ZNF143: variants seen among roughly 807,000 people sequenced by gnomAD.
The protein encoded by ZNF143 is SPH-binding factor.
In ZNF143, 49 loss-of-function variants were observed where a neutral mutation model predicts 74.1. The observed-to-expected ratio is 0.66, with a 90% CI of 0.53 to 0.84. The LOEUF (loss-of-function observed/expected upper bound fraction) is 0.84. Ranked by LOEUF, ZNF143 falls within the 40% of genes least tolerant of loss-of-function variation. The pLI is 0.00. For synonymous variants in ZNF143, 304 were observed against 282.8 expected (o/e 1.07, Z -0.75); for missense variants, 637 against 793.4 (o/e 0.80, Z 2.37).
intron 5 of ZNF143, among the ~76,000 whole-genome samples, chr11:9,476,746 C>CTTTTT (rs869069237): frequency 0.12 from 4,349 of 34,870 alleles, 1,510 homozygotes; most frequent in Non-Finnish European, 0.17. Context: ...AGGGAGGAAT[C>CTTTTT]TTTTTTTTTT....
chr11:9,523,133 TTTTGTTATC>T (rs1325260921), intron 14 of ZNF143, among the ~76,000 whole-genome samples: 2 of 152,218 alleles, frequency 1.3e-5, no homozygotes, highest in Non-Finnish European at 2.9e-5. Flanking sequence ...AGATTCTGAA[TTTTGTTATC>T]TTTCTCTGGA....
intron 5 of ZNF143, among the ~76,000 whole-genome samples, chr11:9,477,364 C>T (rs12792161): frequency 0.37 from 56,163 of 151,822 alleles, 11,039 homozygotes; most frequent in Middle Eastern, 0.46. Flanking sequence ...AAGCGATTCT[C>T]CTGCTTCAGC....
At chr11:9,480,475 G>A (rs1303985106) in intron 7 of ZNF143, among the ~76,000 whole-genome samples, 3 of 151,950 alleles carry the variant, frequency 2.0e-5, no homozygotes, top group South Asian at 4.2e-4. Context: ...ATAACCTTGA[G>A]CATTAACATG....
intron 7 of ZNF143, among the ~76,000 whole-genome samples, chr11:9,485,339 C>T (rs1413234384): frequency 2.8e-5 from 4 of 141,638 alleles, no homozygotes; most frequent in Admixed American, 7.0e-5. Context: ...TTGTTTTTTT[C>T]TCTCTCTCTT....
rs2290425 is a variant in ZNF143 at position 9,501,020 on chromosome 11, T to C, written c.968-71T>C. 663,006 of 1,563,434 alleles carry C rather than the reference T, an allele frequency of 0.42. 143,178 individuals are homozygous for C. The highest frequency in any genetic ancestry group is 0.53 in the Middle Eastern group (3,102 of 5,840). The stretch of plus-strand genomic sequence containing the variant: ...GTCTTGAGCATAATCCTAGGCAGGA[T>C]TGAAGGATAAGACATTTTAATCCTC... On this transcript the variant is annotated intron_variant, in intron 10 of 15. Transcript: ENST00000396602.
At chr11:9,483,068 A>G (rs563945260) in intron 7 of ZNF143, among the ~76,000 whole-genome samples, 1 of 151,060 alleles carries the variant, frequency 6.6e-6, no homozygotes, top group South Asian at 2.1e-4. Flanking sequence ...ATTTTGGCTG[A>G]CTGCAACCTC....
At chr11:9,461,814 A>C (rs977627915) in intron 1 of ZNF143, 6 of 152,106 alleles carry the variant, frequency 3.9e-5, no homozygotes, top group African/African-American at 1.4e-4. Context: ...TGCTTTGGAC[A>C]TTTGTTTTTT....
intron 13 of ZNF143, among the ~76,000 whole-genome samples, chr11:9,514,051 C>G (rs1335968171): frequency 6.6e-6 from 1 of 152,146 alleles, no homozygotes; most frequent in Non-Finnish European, 1.5e-5. Context: ...TACCACCACA[C>G]CTGGCTAATT....
intron 13 of ZNF143, among the ~76,000 whole-genome samples, chr11:9,513,478 A>G (rs991457306): frequency 6.6e-6 from 1 of 152,216 alleles, no homozygotes; most frequent in African/African-American, 2.4e-5. Context: ...ATCATCACAT[A>G]CAGAGGTCCT....
chr11:9,497,726 G>A lies in ZNF143; in HGVS notation c.893G>A (p.Arg298Gln), dbSNP rs367983201. 3.2e-5 allele frequency: 51 copies of A among 1,609,804 alleles called. No homozygotes were observed. Among genetic ancestry groups the A allele is most frequent in the Admixed American group, 1.7e-5 (1 of 59,862 alleles). The change falls in exon 10 of 16, where the codon CGG becomes CAG. Residue 298 changes from arginine to glutamine, a missense_variant. By Grantham distance (43) the Arg-to-Gln change is conservative. Around this residue, in one of 2 missense-constraint regions of ZNF143, gnomAD observed 344 missense variants for 485.6 expected, o/e 0.71. Transcript: ENST00000396602. ...VRTHTGEKPY[R>Q]CSEDNCTKSF... ...ACTCATACAGGAGAAAAGCCATATC[G>A]GTGTTCGGAAGATAATTGTACTAAA...
At chr11:9,494,151 G>C (rs1847879088) in intron 7 of ZNF143, among the ~76,000 whole-genome samples, 1 of 152,152 alleles carries the variant, frequency 6.6e-6, no homozygotes, top group South Asian at 2.1e-4. Flanking sequence ...TGTACTTTCA[G>C]AGTCACTGAC....
intron 14 of ZNF143, among the ~76,000 whole-genome samples, chr11:9,520,904 A>G (rs932275175): frequency 2.0e-5 from 3 of 152,236 alleles, no homozygotes; most frequent in Non-Finnish European, 4.4e-5. Flanking sequence ...TGTGGTTTTA[A>G]TTTACATATA....
intron 13 of ZNF143, among the ~76,000 whole-genome samples, chr11:9,515,653 C>CA (rs57158902): frequency 0.043 from 3,728 of 85,804 alleles, 95 homozygotes; most frequent in East Asian, 0.18. Flanking sequence ...GACTCTGTCT[C>CA]AAAAAAAAAA....
chr11:9,495,593 C>A (rs1360588626), intron 8 of ZNF143, among the ~76,000 whole-genome samples: 1 of 152,164 alleles, frequency 6.6e-6, no homozygotes, highest in Non-Finnish European at 1.5e-5. Context: ...GGAGTAGTGG[C>A]CCTGGGGCCC....
chr11:9,519,728 G>A (rs911860745), intron 14 of ZNF143, among the ~76,000 whole-genome samples: 1 of 152,074 alleles, frequency 6.6e-6, no homozygotes, highest in Admixed American at 6.6e-5. Flanking sequence ...ATTTGTCTTG[G>A]ATAAATACCT....
chr11:9,472,921 T>G, intron 3 of ZNF143, 152 bp downstream of exon 3: 1 of 477,198 alleles, frequency 2.1e-6, no homozygotes, highest in Non-Finnish European at 3.5e-6. Context: ...ATTCTTTTTT[T>G]TTTTTTTTTT....
At position 9,497,862 on chromosome 11, in the gene ZNF143, G is replaced by A. The variant is rs60748041; in HGVS notation, c.967+62G>A. ...TTTTTTTTTTTTGAGACGGAGTCTC[G>A]CTCTGTCGCCTAGGCTGGAGTGCAG... On this transcript the variant is annotated intron_variant, in intron 10 of 15. Coordinates refer to ENST00000396602, the MANE Select transcript of ZNF143 (RefSeq NM_003442.6). The A allele has an allele frequency of 4.8e-3, 6,150 of 1,270,748 alleles. 224 individuals carry two copies. The African/African-American group carries it at 0.088, about 18-fold the overall frequency. 78.7% of individuals were successfully genotyped at this position (1,270,748 alleles called of 1,614,324 possible). A position where few individuals can be genotyped will look rare whatever the true frequency, so the allele number is the denominator to read the frequency against.
At chr11:9,508,501 T>G in intron 11 of ZNF143, 118 bp from the exon 12 acceptor site, 1 of 829,638 alleles carries the variant, frequency 1.2e-6, no homozygotes, top group Non-Finnish European at 1.9e-6. Context: ...CATGGTGGGA[T>G]GAGGAGGGGT....
intron 13 of ZNF143, among the ~76,000 whole-genome samples, chr11:9,513,452 C>T (rs1156284261): frequency 6.6e-6 from 1 of 152,196 alleles, no homozygotes; most frequent in Non-Finnish European, 1.5e-5. Context: ...AGCCTTAACA[C>T]TTTTTCTTGA....
Sources: gnomAD v4.1 joint callset for allele counts (sites outside exome capture counted in the v4.1 genomes callset) on GRCh38, gnomAD v4.1.1 for gene constraint, gnomAD v4.1.1 regional missense constraint, MANE v1.5 for transcripts, NCBI Gene and HGNC (gene_info 2026-07-23, HGNC 2026-07-21) for gene names.